Variants in PREP observed in about 807,000 individuals in gnomAD.
PREP encodes prolyl endopeptidase.
Under a neutral mutation model 87.6 loss-of-function variants are expected in PREP, and 29 were observed. The ratio of observed to expected loss-of-function variants is 0.33; its 90% CI spans 0.25 to 0.45. The LOEUF (loss-of-function observed/expected upper bound fraction) is 0.45, where lower values mean the gene tolerates loss of function less well. PREP is among the 20% of genes least tolerant of loss of function. PREP has a pLI of 1.00. For missense variants in PREP, 695 were observed against 886.5 expected (o/e 0.78, Z 2.74); for synonymous variants, 337 against 328.6 (o/e 1.03, Z -0.28).
rs760226846 is a variant in PREP at position 105,278,259 on chromosome 6, T to C, written c.2018A>G (p.His673Arg). 1.9e-6 allele frequency: 3 copies of C among 1,614,158 alleles called. No individual in the cohort carries two copies. The South Asian group carries it at 3.3e-5, about 18-fold the overall frequency. The change falls in exon 15 of 15, where the codon CAC becomes CGC. Residue 673 changes from histidine to arginine, a missense_variant. By Grantham distance (29) the His-to-Arg change is conservative. Transcript: ENST00000652536. This position sits in a 1 kb window ranked among gnomAD's most constrained non-coding sequence, Gnocchi z 4.2. ...SRKQSNPLLI[H>R]VDTKAGHGAG... The stretch of plus-strand genomic sequence containing the variant: ...CCCGTGGCCCGCCTTGGTGTCCACG[T>C]GGATAAGCAGGGGGTTGCTTTGCTT...
intron 5 of PREP, among the ~76,000 whole-genome samples, chr6:105,370,795 C>G (rs570092578): frequency 5.9e-5 from 9 of 152,252 alleles, no homozygotes; most frequent in Admixed American, 5.9e-4. Flanking sequence ...CTAATTCCAA[C>G]TACAGGATGT....
chr6:105,402,113 C>G (rs1478150839), intron 1 of PREP, among the ~76,000 whole-genome samples: 7 of 152,306 alleles, frequency 4.6e-5, no homozygotes, highest in African/African-American at 1.4e-4. Flanking sequence ...AACTCCGCCA[C>G]TAGACAAAAC....
chr6:105,373,728 C>G (rs1261091707), intron 4 of PREP, 150 bp from the exon 5 acceptor site: 3 of 798,526 alleles, frequency 3.8e-6, no homozygotes, highest in Non-Finnish European at 5.9e-6. Context: ...ATCCCGGGGG[C>G]TCAGCCCAAG....
chr6:105,333,395 G>A lies in PREP; in HGVS notation c.934C>T (p.Arg312Cys), dbSNP rs767374105. The A allele has an allele frequency of 3.8e-5, 61 of 1,614,004 alleles. No homozygotes were observed. Among genetic ancestry groups the A allele is most frequent in the South Asian group, 3.0e-4 (27 of 91,082 alleles). Residue 312 changes from arginine to cysteine, a missense_variant, in exon 8 of 15, where the codon CGC (arginine) becomes TGC (cysteine). Physicochemically the swap from Arg to Cys is radical, Grantham distance 180. Around this residue, in one of 5 missense-constraint regions of PREP, gnomAD observed 517 missense variants for 620.3 expected, o/e 0.83. Transcript: ENST00000652536. ...TCCCTGAAGTCAATGTTGATCACGC[G>A]ATAGTTGGGAGACTGGCGATTCGTC... ...FKTNRQSPNY[R>C]VINIDFRDPE...
At chr6:105,330,161 G>A (rs1347132452) in intron 8 of PREP, among the ~76,000 whole-genome samples, 1 of 152,244 alleles carries the variant, frequency 6.6e-6, no homozygotes, top group East Asian at 1.9e-4. Flanking sequence ...GTAGAGAGCA[G>A]TTTAGTTACC....
At chr6:105,324,972 T>C (rs77001007) in intron 9 of PREP, among the ~76,000 whole-genome samples, 4,802 of 152,340 alleles carry the variant, frequency 0.032, 243 homozygotes, top group African/African-American at 0.1. Flanking sequence ...TTGACTTTCT[T>C]AGTTTAAGTT....
chr6:105,348,417 T>C (rs896508880), intron 7 of PREP, among the ~76,000 whole-genome samples: 2 of 152,098 alleles, frequency 1.3e-5, no homozygotes, highest in Non-Finnish European at 2.9e-5. Context: ...GTGAGTCCAA[T>C]AGGGACTGCT....
chr6:105,278,093 G>T lies in PREP; in HGVS notation c.*51C>A. 6.4e-7 allele frequency: 1 copy of T among 1,564,322 alleles called. No individual in the cohort carries two copies. The highest frequency in any genetic ancestry group is 1.2e-5 in the South Asian group (1 of 83,322). ...CCAGTGGTTTCTTGGTGTCAACGTG[G>T]GAAAGCCCTTGAGGTTTTCTGTCGC... On this transcript the variant is annotated 3_prime_UTR_variant, in exon 15 of 15. Coordinates refer to ENST00000652536, the MANE Select transcript of PREP (RefSeq NM_002726.5). The surrounding 1 kb of genome is among the most constrained non-coding windows in gnomAD (Gnocchi z 4.2).
At chr6:105,388,209 C>T (rs1023740372) in intron 2 of PREP, among the ~76,000 whole-genome samples, 24 of 152,144 alleles carry the variant, frequency 1.6e-4, no homozygotes, top group African/African-American at 4.8e-4. Context: ...AGCCAAGGGG[C>T]GAGCACACAC....
intron 3 of PREP, among the ~76,000 whole-genome samples, chr6:105,377,079 G>A (rs1184887197): frequency 1.3e-5 from 2 of 152,104 alleles, no homozygotes; most frequent in Non-Finnish European, 2.9e-5. Context: ...AACTTCGGAG[G>A]CAAACAAACC....
At position 105,376,238 on chromosome 6, in the gene PREP, T is replaced by C; in HGVS notation, c.272A>G (p.Asn91Ser). The stretch of plus-strand genomic sequence containing the variant: ...TACTCGCTGGTTCTGCAAACCTGTA[T>C]TGTAAAAATAAAAATACCTGGGGAA... Reference protein sequence around the residue: ...KKGKRYFYFYNTGLQNQRVLY... With the variant: ...KKGKRYFYFYSTGLQNQRVLY... Residue 91 changes from asparagine (N) to serine (S), a missense_variant, in exon 4 of 15, where the codon AAT becomes AGT. Physicochemically the swap from Asn to Ser is conservative, Grantham distance 46 (BLOSUM62 1). Around this residue, in one of 5 missense-constraint regions of PREP, gnomAD observed 517 missense variants for 620.3 expected, o/e 0.83. Coordinates refer to ENST00000652536, the MANE Select transcript of PREP (RefSeq NM_002726.5). The C allele has an allele frequency of 2.5e-6, 4 of 1,613,468 alleles. No individual in the cohort carries two copies. The highest frequency in any genetic ancestry group is 2.5e-6 in the Non-Finnish European group (3 of 1,179,626).
intron 6 of PREP, among the ~76,000 whole-genome samples, chr6:105,366,116 G>C (rs114916012): frequency 1.3e-5 from 2 of 152,146 alleles, no homozygotes; most frequent in African/African-American, 4.8e-5. Flanking sequence ...TTATCCCGGC[G>C]TGGTGGTCCA....
intron 2 of PREP, among the ~76,000 whole-genome samples, chr6:105,385,526 A>G (rs1434396324): frequency 6.6e-6 from 1 of 152,230 alleles, no homozygotes; most frequent in East Asian, 1.9e-4. Context: ...CCAAAAAGAA[A>G]GCAGAACTGA....
intron 6 of PREP, among the ~76,000 whole-genome samples, chr6:105,356,382 G>C (rs1772100794): frequency 6.6e-6 from 1 of 152,136 alleles, no homozygotes; most frequent in African/African-American, 2.4e-5. Context: ...TTAAACCTTT[G>C]GGAGTTGTCA....
chr6:105,296,530 C>T (rs1281598454), intron 10 of PREP, among the ~76,000 whole-genome samples: 3 of 151,806 alleles, frequency 2.0e-5, no homozygotes, highest in African/African-American at 7.3e-5. Context: ...TCTATAATTT[C>T]ATCTTGATTT....
At chr6:105,323,322 T>C (rs902932380) in intron 10 of PREP, among the ~76,000 whole-genome samples, 3 of 152,122 alleles carry the variant, frequency 2.0e-5, no homozygotes, top group African/African-American at 7.2e-5. Context: ...CCCCATGTTA[T>C]TTACAACACC....
intron 2 of PREP, among the ~76,000 whole-genome samples, chr6:105,383,492 G>A (rs1364372881): frequency 6.6e-6 from 1 of 152,148 alleles, no homozygotes; most frequent in Non-Finnish European, 1.5e-5. Flanking sequence ...CAATCAGTGA[G>A]AGCCCAAAAT....
intron 10 of PREP, among the ~76,000 whole-genome samples, chr6:105,299,548 G>C (rs762545237): frequency 3.3e-5 from 5 of 152,124 alleles, no homozygotes; most frequent in African/African-American, 1.2e-4. Context: ...GCAGTAAGCC[G>C]AGATTGCGTC....
intron 6 of PREP, among the ~76,000 whole-genome samples, chr6:105,359,921 T>C (rs1293714297): frequency 3.3e-5 from 5 of 152,166 alleles, no homozygotes; most frequent in Non-Finnish European, 7.3e-5. Flanking sequence ...GGCAGAGATT[T>C]TGAAAGCTCT....
Sources: gnomAD v4.1 joint callset for allele counts (sites outside exome capture counted in the v4.1 genomes callset) on GRCh38, gnomAD v4.1.1 for gene constraint, gnomAD v4.1.1 regional missense constraint, Gnocchi (gnomAD v3.1) non-coding constraint, MANE v1.5 for transcripts, NCBI Gene and HGNC (gene_info 2026-07-23, HGNC 2026-07-21) for gene names.